The following UQCC1 variants were observed in gnomAD, a reference collection of about 807,000 sequenced individuals.
The protein encoded by UQCC1 is bFGF-repressed Zic-binding protein.
A neutral mutation model predicts 48.0 loss-of-function variants in UQCC1; 38 were observed. The observed-to-expected ratio is 0.79, with a 90% CI of 0.61 to 1.04. UQCC1 has a LOEUF of 1.04. Among genes scored for constraint, UQCC1 ranks in the 50% least tolerant of loss-of-function variants. The probability of loss-of-function intolerance (pLI) is 0.00; values close to 1 mark genes in which losing one functional copy is unlikely to be tolerated. For missense variants in UQCC1, 368 were observed against 381.8 expected, an observed-to-expected ratio of 0.96 and a Z score of 0.30; for synonymous variants, 111 against 129.2, an observed-to-expected ratio of 0.86 and a Z score of 0.95.
intron 8 of UQCC1, among the ~76,000 whole-genome samples, chr20:35,311,573 C>T (rs2060995033): frequency 6.6e-6 from 1 of 152,322 alleles, no homozygotes; most frequent in Admixed American, 6.5e-5. Context: ...AATGGCTGCA[C>T]CCCCATCACG....
At chr20:35,353,370 T>C (rs961726843) in intron 6 of UQCC1, among the ~76,000 whole-genome samples, 1 of 148,770 alleles carries the variant, frequency 6.7e-6, no homozygotes, top group Non-Finnish European at 1.5e-5. Context: ...TACTCCAGCC[T>C]GGGCAACAGA....
At chr20:35,351,995 A>AGG (rs371156609) in intron 6 of UQCC1, among the ~76,000 whole-genome samples, 7 of 152,364 alleles carry the variant, frequency 4.6e-5, no homozygotes, top group African/African-American at 1.7e-4. Context: ...AGTTTCCTCT[A>AGG]GGGGAGATAA....
intron 3 of UQCC1, among the ~76,000 whole-genome samples, chr20:35,383,429 G>GT (rs2061900382): frequency 6.6e-6 from 1 of 152,144 alleles, no homozygotes; most frequent in African/African-American, 2.4e-5. Flanking sequence ...AGGCTGGCAT[G>GT]GTGGCTCACA....
intron 6 of UQCC1, among the ~76,000 whole-genome samples, chr20:35,348,247 A>C (rs2061451939): frequency 6.6e-6 from 1 of 152,242 alleles, no homozygotes; most frequent in South Asian, 2.1e-4. Context: ...GGGCTTTCTG[A>C]ATAATCAAGA....
At chr20:35,402,580 AAAAC>A (rs201662360) in intron 1 of UQCC1, among the ~76,000 whole-genome samples, 72,398 of 141,770 alleles carry the variant, frequency 0.51, 19,654 homozygotes, top group East Asian at 0.73. Flanking sequence ...TCCATCTCAA[AAAAC>A]AAACAAACAA....
chr20:35,334,585 AC>A (rs1165072607), intron 7 of UQCC1, among the ~76,000 whole-genome samples: 1 of 152,168 alleles, frequency 6.6e-6, no homozygotes, highest in Non-Finnish European at 1.5e-5. Flanking sequence ...CAATTTAAAA[AC>A]ATTATAATTT....
In UQCC1 at chr20:35,335,683, G is replaced by A. The variant is rs376871235; in HGVS notation, c.573+11481C>T. On this transcript the variant is annotated intron_variant, in intron 7 of 9. Transcript: ENST00000374385. The stretch of plus-strand genomic sequence containing the variant: ...GGGGCTAGGGGTAAGGGGAACGGGT[G>A]TGACTGCTAATGGGCACAGGATTTC... Among the ~76,000 whole-genome samples, 3 of 152,216 alleles carry A rather than the reference G, an allele frequency of 2.0e-5. No homozygotes were observed. The East Asian group carries it at 5.8e-4, about 29-fold the overall frequency.
At chr20:35,411,504 T>C (rs1213455452) in intron 1 of UQCC1, among the ~76,000 whole-genome samples, 4 of 152,132 alleles carry the variant, frequency 2.6e-5, no homozygotes, top group Non-Finnish European at 4.4e-5. Context: ...TCTCAGAATC[T>C]AAAGGGACTG....
chr20:35,328,159 T>C (rs1341912682), intron 7 of UQCC1, among the ~76,000 whole-genome samples: 1 of 152,152 alleles, frequency 6.6e-6, no homozygotes. Context: ...CAAACTCAGT[T>C]AGAATGCTGT....
At chr20:35,371,159 C>T (rs193237383) in intron 5 of UQCC1, among the ~76,000 whole-genome samples, 45 of 151,854 alleles carry the variant, frequency 3.0e-4, no homozygotes, top group Non-Finnish European at 5.9e-4. Flanking sequence ...ATGTTAAATA[C>T]GTAAAAAGTC....
intron 7 of UQCC1, among the ~76,000 whole-genome samples, chr20:35,316,274 T>C (rs2061058451): frequency 6.6e-6 from 1 of 152,146 alleles, no homozygotes; most frequent in South Asian, 2.1e-4. Flanking sequence ...ACGAAGCACC[T>C]GTCATGGGCT....
intron 5 of UQCC1, among the ~76,000 whole-genome samples, chr20:35,373,873 T>C (rs1394488632): frequency 1.3e-5 from 2 of 152,140 alleles, no homozygotes; most frequent in Non-Finnish European, 2.9e-5. Context: ...GTTTACTCTA[T>C]TAAAAAAGAA....
At chr20:35,372,884 G>A (rs568180891) in intron 5 of UQCC1, among the ~76,000 whole-genome samples, 38 of 152,176 alleles carry the variant, frequency 2.5e-4, no homozygotes, top group South Asian at 1.2e-3. Context: ...CAAAAAACAC[G>A]ATGCAACAAA....
At chr20:35,323,358 C>A (rs1175849577) in intron 7 of UQCC1, among the ~76,000 whole-genome samples, 2 of 151,964 alleles carry the variant, frequency 1.3e-5, no homozygotes, top group Non-Finnish European at 1.5e-5. Flanking sequence ...ATGTCTATAT[C>A]AAAATAAAAA....
chr20:35,378,455 C>G (rs975664241), intron 4 of UQCC1, among the ~76,000 whole-genome samples: 1 of 151,954 alleles, frequency 6.6e-6, no homozygotes, highest in African/African-American at 2.4e-5. Context: ...TATGATGAAA[C>G]CTCATCTCTA....
At chr20:35,343,648 T>A (rs2061403989) in intron 7 of UQCC1, among the ~76,000 whole-genome samples, 1 of 152,202 alleles carries the variant, frequency 6.6e-6, no homozygotes. Context: ...TTTAAAACCA[T>A]CATCCTTTAG....
At chr20:35,384,851 C>A (rs2061919521) in intron 2 of UQCC1, among the ~76,000 whole-genome samples, 1 of 150,064 alleles carries the variant, frequency 6.7e-6, no homozygotes, top group Non-Finnish European at 1.5e-5. Flanking sequence ...CCTGTAATCC[C>A]AGTTACTCAG....
chr20:35,398,430 C>G (rs192421853), intron 1 of UQCC1, among the ~76,000 whole-genome samples: 4 of 152,100 alleles, frequency 2.6e-5, no homozygotes, highest in African/African-American at 9.7e-5. Flanking sequence ...TCCATTTCCT[C>G]GAGTAGAAAC....
intron 1 of UQCC1, among the ~76,000 whole-genome samples, chr20:35,408,315 G>GCTA (rs1196265194): frequency 6.6e-6 from 1 of 151,962 alleles, no homozygotes; most frequent in Non-Finnish European, 1.5e-5. Flanking sequence ...TGTAGTCCCA[G>GCTA]CTACTCGGGA....
Sources: allele counts gnomAD v4.1 joint callset (sites outside exome capture counted in the v4.1 genomes callset), GRCh38; gene constraint gnomAD v4.1.1; transcripts MANE v1.5; gene names NCBI Gene and HGNC (gene_info 2026-07-23, HGNC 2026-07-21).